ATAD2B: variants seen among roughly 807,000 people sequenced by gnomAD.
ATAD2B encodes the protein ATPase family AAA domain-containing protein 2B.
Under a neutral mutation model 167.6 loss-of-function variants are expected in ATAD2B, and 40 were observed. The observed-to-expected ratio is 0.24, with a 90% CI of 0.19 to 0.31. The LOEUF (loss-of-function observed/expected upper bound fraction) is 0.31. Among genes scored for constraint, ATAD2B ranks in the 10% least tolerant of loss-of-function variants. ATAD2B has a pLI of 1.00. For synonymous variants in ATAD2B, 579 were observed against 596.5 expected (o/e 0.97, Z 0.43); for missense variants, 1,242 against 1,757.2 (o/e 0.71, Z 5.24).
At chr2:23,703,430 T>C in the ATAD2B span, 28 of 1,386,710 alleles carry the variant, frequency 2.0e-5, no homozygotes, top group Non-Finnish European at 2.7e-5. Context: ...ATCCCTGCCT[T>C]GCTGATTTGT....
At chr2:23,716,266 T>C in the ATAD2B span, among the ~76,000 whole-genome samples, 3 of 152,248 alleles carry the variant, frequency 2.0e-5, no homozygotes, top group Non-Finnish European at 4.4e-5. Flanking sequence ...TTTTTAGGAA[T>C]ACTTGCAAAG....
At chr2:23,699,266 A>G in the ATAD2B span, among the ~76,000 whole-genome samples, 1 of 152,152 alleles carries the variant, frequency 6.6e-6, no homozygotes, top group African/African-American at 2.4e-5. Context: ...CAGGCCCCGT[A>G]TGCCTCCCAG....
chr2:23,788,682 T>C, intron 19 of ATAD2B, 35 bp from the exon 20 acceptor site: 1 of 1,479,472 alleles, frequency 6.8e-7, no homozygotes. Flanking sequence ...ACATTAAATA[T>C]ATAAAGAATT....
chr2:23,742,451 A>G, the ATAD2B span, among the ~76,000 whole-genome samples: 1 of 151,426 alleles, frequency 6.6e-6, no homozygotes, highest in Non-Finnish European at 1.5e-5. Flanking sequence ...AACCATCGCA[A>G]GGACAAAAAA....
chr2:23,810,541 C>T (rs569518073), intron 17 of ATAD2B, 39 bp from the exon 18 acceptor site: 43 of 1,518,906 alleles, frequency 2.8e-5, no homozygotes, highest in African/African-American at 2.8e-4. Context: ...CAAAGGCATA[C>T]ATTCTGAAGA....
intron 1 of ATAD2B, among the ~76,000 whole-genome samples, chr2:23,922,060 A>C (rs962409192): frequency 1.3e-5 from 2 of 152,216 alleles, no homozygotes. Context: ...AAATAAAAAT[A>C]AAGTAATACA....
At chr2:23,745,368 AGAAGGAAGGAAGGAAGGAAG>A (rs767435573), downstream of ATAD2B, among the ~76,000 whole-genome samples, 153 of 52,920 alleles carry the variant, frequency 2.9e-3, 1 homozygote, top group Middle Eastern at 9.4e-3. Context: ...AAGGAAGGAA[AGAAGGAAGGAAGGAAGGAAG>A]GAAGGAAGGA....
chr2:23,703,603 C>A, the ATAD2B span: 1 of 1,283,272 alleles, frequency 7.8e-7, no homozygotes, highest in Non-Finnish European at 1.0e-6. Context: ...CCAGGCCAAT[C>A]AGTCACTTGT....
intron 13 of ATAD2B, among the ~76,000 whole-genome samples, chr2:23,851,078 T>G (rs1692486966): frequency 6.6e-6 from 1 of 152,210 alleles, no homozygotes; most frequent in African/African-American, 2.4e-5. Context: ...CACCCTGATC[T>G]TGGACATCCC....
At chr2:23,848,833 T>C (rs532274575) in intron 13 of ATAD2B, among the ~76,000 whole-genome samples, 1 of 152,284 alleles carries the variant, frequency 6.6e-6, no homozygotes, top group African/African-American at 2.4e-5. Flanking sequence ...TAAGTGTCCA[T>C]TTTGAAGGAA....
intron 20 of ATAD2B, among the ~76,000 whole-genome samples, chr2:23,786,927 G>A (rs1680912425): frequency 6.6e-6 from 1 of 151,856 alleles, no homozygotes; most frequent in Non-Finnish European, 1.5e-5. Flanking sequence ...AGTATAATGG[G>A]CAAGTAATAT....
In ATAD2B at chr2:23,831,282, TAAAAG is replaced by T. The variant is rs989653136; in HGVS notation, c.1729-2348_1729-2344del. ...TCATAAAAATGATGATAAAGGAAAA[TAAAAG>T]AAATTAAAAAGCATTATTGCATATA... On this transcript the variant is annotated intron_variant, in intron 14 of 27. Transcript: ENST00000238789. 1.4e-4 allele frequency among the ~76,000 whole-genome samples: 21 copies of T among 152,054 alleles called. 1 individual carries two copies. Among genetic ancestry groups the T allele is most frequent in the Admixed American group, 1.1e-3 (17 of 15,260 alleles).
intron 13 of ATAD2B, among the ~76,000 whole-genome samples, chr2:23,852,748 G>C (rs912742422): frequency 6.6e-6 from 1 of 151,934 alleles, no homozygotes; most frequent in Non-Finnish European, 1.5e-5. Flanking sequence ...GTGAAACCCT[G>C]TCTCTACTAA....
At chr2:23,694,139 A>G in the ATAD2B span, among the ~76,000 whole-genome samples, 5 of 152,042 alleles carry the variant, frequency 3.3e-5, no homozygotes, top group African/African-American at 4.8e-5. Flanking sequence ...TGAGCTCCAG[A>G]CCCCTCTGCT....
chr2:23,748,377 G>A (rs895869400), downstream of ATAD2B, among the ~76,000 whole-genome samples: 12 of 152,064 alleles, frequency 7.9e-5, no homozygotes, highest in South Asian at 2.1e-4. Context: ...ATATGTTATC[G>A]TATAGTCTTC....
At chr2:23,703,155 G>T in the ATAD2B span, 2 of 1,393,430 alleles carry the variant, frequency 1.4e-6, no homozygotes, top group South Asian at 3.4e-5. Context: ...GGTCCATCTT[G>T]ACCCTGGGCT....
the ATAD2B span, among the ~76,000 whole-genome samples, chr2:23,721,599 A>G: frequency 6.6e-6 from 1 of 151,612 alleles, no homozygotes; most frequent in Non-Finnish European, 1.5e-5. Context: ...GCAGCTGTGC[A>G]ACAATATCCT....
At chr2:23,870,875 AG>A (rs1426550420) in intron 8 of ATAD2B, among the ~76,000 whole-genome samples, 2 of 152,114 alleles carry the variant, frequency 1.3e-5, no homozygotes, top group Non-Finnish European at 2.9e-5. Flanking sequence ...TGGAGAGATT[AG>A]GTAATTTGCC....
chr2:23,893,162 A>G (rs957990426), intron 2 of ATAD2B, among the ~76,000 whole-genome samples: 3 of 152,276 alleles, frequency 2.0e-5, no homozygotes, highest in Middle Eastern at 3.4e-3. Flanking sequence ...GTCCACTTTT[A>G]TCTCTATCTT....
Sources: allele counts gnomAD v4.1 joint callset (sites outside exome capture counted in the v4.1 genomes callset), GRCh38; gene constraint gnomAD v4.1.1; transcripts MANE v1.5; gene names NCBI Gene and HGNC (gene_info 2026-07-23, HGNC 2026-07-21).